The following MARCHF4 variants were observed in gnomAD, a reference collection of about 807,000 sequenced individuals.
The protein encoded by MARCHF4 is membrane associated ring-CH-type finger 4, also known as E3 ubiquitin-protein ligase MARCHF4.
A neutral mutation model predicts 43.9 loss-of-function variants in MARCHF4; 14 were observed. That is an observed-to-expected ratio of 0.32 (90% CI 0.21 to 0.50). MARCHF4 has a LOEUF of 0.50. MARCHF4 is among the 20% of genes least tolerant of loss of function. The pLI is 0.98. For synonymous variants in MARCHF4, 226 were observed against 213.3 expected (o/e 1.06, Z -0.52); for missense variants, 468 against 536.7 (o/e 0.87, Z 1.27).
At chr2:216,274,606 T>C (rs922532541) in intron 3 of MARCHF4, among the ~76,000 whole-genome samples, 1 of 152,186 alleles carries the variant, frequency 6.6e-6, no homozygotes, top group African/African-American at 2.4e-5. Context: ...ATCCCCATCA[T>C]TGCAACCCCA....
intron 3 of MARCHF4, among the ~76,000 whole-genome samples, chr2:216,267,822 A>G (rs571708176): frequency 1.3e-5 from 2 of 152,318 alleles, no homozygotes; most frequent in South Asian, 4.1e-4. Flanking sequence ...TATTCCTAAA[A>G]TATGTTGAGC....
At chr2:216,351,197 A>G (rs576848323) in intron 1 of MARCHF4, among the ~76,000 whole-genome samples, 3 of 152,248 alleles carry the variant, frequency 2.0e-5, no homozygotes, top group Non-Finnish European at 4.4e-5. Context: ...ACATGCAAAG[A>G]ACAGACATTA....
chr2:216,279,687 T>C (rs905190824), intron 2 of MARCHF4, among the ~76,000 whole-genome samples: 3 of 152,334 alleles, frequency 2.0e-5, no homozygotes, highest in African/African-American at 4.8e-5. Context: ...ACATTTCACT[T>C]GCTGGTCCAG....
chr2:216,281,946 A>G (rs1442310968), intron 2 of MARCHF4, among the ~76,000 whole-genome samples: 1 of 152,070 alleles, frequency 6.6e-6, no homozygotes, highest in East Asian at 1.9e-4. Flanking sequence ...ATGCATTTTC[A>G]CTTTATGAGC....
chr2:216,272,142 C>T (rs930581523), intron 3 of MARCHF4, among the ~76,000 whole-genome samples: 1 of 152,054 alleles, frequency 6.6e-6, no homozygotes, highest in Non-Finnish European at 1.5e-5. Context: ...GTATGAGCTA[C>T]TGTGTCTGGC....
rs569332608 is a variant in MARCHF4, at chr2:216,309,061, A to G, written c.517-25332T>C. 1.2e-3 allele frequency among the ~76,000 whole-genome samples: 182 copies of G among 152,310 alleles called. 1 individual carries two copies. The highest frequency in any genetic ancestry group is 2.9e-3 in the South Asian group (14 of 4,814). On this transcript the variant is annotated intron_variant, in intron 1 of 3. Coordinates refer to ENST00000273067, the MANE Select transcript of MARCHF4 (RefSeq NM_020814.3). Reference sequence around the variant, plus strand: ...TTTCCATCTCCTTGCCTTTTGGTCAATCTTCACCCCAACCACCAATCCCCT... The same window carrying G: ...TTTCCATCTCCTTGCCTTTTGGTCAGTCTTCACCCCAACCACCAATCCCCT...
At chr2:216,345,539 T>C (rs1283594733) in intron 1 of MARCHF4, among the ~76,000 whole-genome samples, 1 of 152,172 alleles carries the variant, frequency 6.6e-6, no homozygotes, top group African/African-American at 2.4e-5. Context: ...TGTCTGCACA[T>C]TGGAATAACC....
At chr2:216,264,313 G>A (rs756788015) in intron 3 of MARCHF4, among the ~76,000 whole-genome samples, 2 of 152,180 alleles carry the variant, frequency 1.3e-5, no homozygotes, top group Non-Finnish European at 2.9e-5. Context: ...AACTGTCCTT[G>A]TACTAAATCT....
intron 1 of MARCHF4, among the ~76,000 whole-genome samples, chr2:216,366,206 C>A (rs963747078): frequency 6.6e-5 from 10 of 152,160 alleles, no homozygotes; most frequent in Non-Finnish European, 1.2e-4. Context: ...TCCATCTTTA[C>A]AAATGAGGAA....
intron 1 of MARCHF4, among the ~76,000 whole-genome samples, chr2:216,302,470 C>T (rs1044563494): frequency 1.3e-5 from 2 of 151,496 alleles, no homozygotes; most frequent in African/African-American, 2.4e-5. Context: ...CCTCGTGATC[C>T]ACCCGCCTCT....
In MARCHF4 at chr2:216,258,812, A is replaced by G. The variant is rs2106079526; in HGVS notation, c.*500T>C. 6.5e-6 allele frequency: 1 copy of G among 153,410 alleles called. No individual in the cohort carries two copies. The highest frequency in any genetic ancestry group is 1.9e-4 in the East Asian group (1 of 5,182). The allele number at this position is 153,410 out of a possible 1,614,324, so 9.5% of individuals were successfully genotyped here. On this transcript the variant is annotated 3_prime_UTR_variant, in exon 4 of 4. Transcript: ENST00000273067. ...CATCCAAATGAGCCCAGGAGCCCCA[A>G]AGGCAGTGTGTCCCTGCCAGCTCAC... is the stretch of plus-strand genomic sequence containing the variant.
intron 1 of MARCHF4, among the ~76,000 whole-genome samples, chr2:216,293,955 T>C (rs1451130570): frequency 0.041 from 3,786 of 92,618 alleles, 693 homozygotes; most frequent in Non-Finnish European, 0.076. Flanking sequence ...TGTCCGTTTG[T>C]CTTTCTGCAT....
At chr2:216,312,569 C>T (rs956933509) in intron 1 of MARCHF4, among the ~76,000 whole-genome samples, 3 of 152,110 alleles carry the variant, frequency 2.0e-5, no homozygotes, top group African/African-American at 7.2e-5. Flanking sequence ...TGACTTTTTA[C>T]TAATAGCCTT....
intron 3 of MARCHF4, among the ~76,000 whole-genome samples, chr2:216,273,393 G>A (rs1210836079): frequency 6.6e-6 from 1 of 152,178 alleles, no homozygotes; most frequent in Non-Finnish European, 1.5e-5. Flanking sequence ...GGCTTTTTGA[G>A]CCAACACAGG....
intron 1 of MARCHF4, among the ~76,000 whole-genome samples, chr2:216,358,199 T>C (rs1466222189): frequency 6.6e-6 from 1 of 152,100 alleles, no homozygotes; most frequent in Non-Finnish European, 1.5e-5. Context: ...AGATTCTGAG[T>C]CTATAAGTGA....
rs533226079 is a variant in MARCHF4, at chr2:216,298,404, TAC to T, written c.517-14677_517-14676del. On this transcript the variant is annotated intron_variant, in intron 1 of 3. Transcript: ENST00000273067. ...CCTCAGCCTCCTGGGTAGCTGGGAC[TAC>T]AGGTGTGTGCCACCACGCTCAGCTC... Among the ~76,000 whole-genome samples, 49 of 152,086 alleles carry T rather than the reference TAC, an allele frequency of 3.2e-4. 1 individual carries two copies. Among genetic ancestry groups the T allele is most frequent in the African/African-American group, 1.2e-3 (49 of 41,512 alleles).
At chr2:216,293,570 TAA>T (rs11317578) in intron 1 of MARCHF4, among the ~76,000 whole-genome samples, 30,484 of 111,454 alleles carry the variant, frequency 0.27, 4,521 homozygotes, top group African/African-American at 0.41. Flanking sequence ...CATTTCAATG[TAA>T]AAAAAAAAAA....
At chr2:216,334,792 T>C (rs917952548) in intron 1 of MARCHF4, among the ~76,000 whole-genome samples, 39 of 152,226 alleles carry the variant, frequency 2.6e-4, no homozygotes, top group African/African-American at 8.9e-4. Flanking sequence ...AATAGGACTT[T>C]CATAAGAAAG....
intron 1 of MARCHF4, among the ~76,000 whole-genome samples, chr2:216,314,554 C>T (rs1234400656): frequency 6.6e-6 from 1 of 151,480 alleles, no homozygotes; most frequent in Non-Finnish European, 1.5e-5. Context: ...AACTCCTGGC[C>T]TTAAGTGATC....
Sources: allele counts gnomAD v4.1 joint callset (sites outside exome capture counted in the v4.1 genomes callset), GRCh38; gene constraint gnomAD v4.1.1; transcripts MANE v1.5; gene names NCBI Gene and HGNC (gene_info 2026-07-23, HGNC 2026-07-21).